OPCML: variants seen among roughly 807,000 people sequenced by gnomAD.
The protein encoded by OPCML is opioid binding protein/cell adhesion molecule like.
In OPCML, 13 loss-of-function variants were observed where a neutral mutation model predicts 37.8. The ratio of observed to expected loss-of-function variants is 0.34; its 90% confidence interval spans 0.22 to 0.55. The LOEUF (loss-of-function observed/expected upper bound fraction) is 0.55, where lower values mean the gene tolerates loss of function less well. OPCML is among the 20% of genes least tolerant of loss of function. The pLI, the probability that OPCML is intolerant of heterozygous loss-of-function variation, is 0.91. For synonymous variants in OPCML, 176 were observed against 168.8 expected, an observed-to-expected ratio of 1.04 and a Z score of -0.33; for missense variants, 341 against 435.6, an observed-to-expected ratio of 0.78 and a Z score of 1.93.
At chr11:133,456,404 A>C (rs937101025) in intron 1 of OPCML, among the ~76,000 whole-genome samples, 4 of 152,120 alleles carry the variant, frequency 2.6e-5, no homozygotes, top group Admixed American at 2.6e-4. Flanking sequence ...AAGCTCCTCC[A>C]TGTCAACCTG....
chr11:132,730,729 A>G (rs1054618366), intron 2 of OPCML, among the ~76,000 whole-genome samples: 68 of 152,322 alleles, frequency 4.5e-4, no homozygotes, highest in Non-Finnish European at 5.9e-4. Flanking sequence ...AAACTAAGAC[A>G]GGCACAAGGT....
intron 1 of OPCML, among the ~76,000 whole-genome samples, chr11:133,440,117 G>T (rs970683156): frequency 6.6e-6 from 1 of 152,048 alleles, no homozygotes; most frequent in African/African-American, 2.4e-5. Context: ...AAACCAGGCC[G>T]GGCATAGTGG....
chr11:132,876,100 C>T (rs899666715), intron 2 of OPCML, among the ~76,000 whole-genome samples: 3 of 152,178 alleles, frequency 2.0e-5, no homozygotes, highest in Admixed American at 2.0e-4. Context: ...GAGGGCATTG[C>T]CCTCAGGATG....
At chr11:133,455,247 A>G (rs1220940549) in intron 1 of OPCML, among the ~76,000 whole-genome samples, 2 of 152,234 alleles carry the variant, frequency 1.3e-5, no homozygotes, top group African/African-American at 2.4e-5. Flanking sequence ...TACCCTGGAC[A>G]TGCAATTAGT....
chr11:133,040,042 T>TG (rs1191964163), intron 1 of OPCML, among the ~76,000 whole-genome samples: 1 of 149,844 alleles, frequency 6.7e-6, no homozygotes, highest in Non-Finnish European at 1.5e-5. Flanking sequence ...AAAAAAAAGA[T>TG]GGGGGATGGC....
At chr11:132,944,204 G>A (rs1365547133) in intron 1 of OPCML, among the ~76,000 whole-genome samples, 17 of 152,180 alleles carry the variant, frequency 1.1e-4, no homozygotes, top group African/African-American at 4.1e-4. Flanking sequence ...GGGGGGAGCG[G>A]GGAGGGAGAG....
At chr11:132,942,785 G>C (rs1945625101) in intron 2 of OPCML, 141 bp downstream of exon 2, 1 of 1,060,268 alleles carries the variant, frequency 9.4e-7, no homozygotes, top group Non-Finnish European at 1.4e-6. Context: ...CGGCACGGCA[G>C]CACGCAAGCG....
intron 1 of OPCML, among the ~76,000 whole-genome samples, chr11:132,947,009 T>A (rs960770098): frequency 6.6e-6 from 1 of 152,170 alleles, no homozygotes; most frequent in Admixed American, 6.5e-5. Context: ...TGAACACAGG[T>A]GGGTGGCAGC....
intron 3 of OPCML, among the ~76,000 whole-genome samples, chr11:132,614,479 C>T (rs541973005): frequency 1.3e-5 from 2 of 152,280 alleles, no homozygotes; most frequent in East Asian, 1.9e-4. Context: ...CGTCCCTCTG[C>T]GGGCCTCTGC....
chr11:132,712,916 T>C (rs970483125), intron 2 of OPCML, among the ~76,000 whole-genome samples: 3 of 152,234 alleles, frequency 2.0e-5, no homozygotes, highest in African/African-American at 7.2e-5. Context: ...GCCTCATCGC[T>C]CTTCATCACT....
intron 3 of OPCML, among the ~76,000 whole-genome samples, chr11:132,629,677 G>A (rs1184507279): frequency 6.6e-6 from 1 of 152,248 alleles, no homozygotes; most frequent in East Asian, 1.9e-4. Flanking sequence ...CCCAGGTGCA[G>A]CGTTGAGTTC....
chr11:132,842,295 T>G (rs1004498871), intron 2 of OPCML, among the ~76,000 whole-genome samples: 5 of 152,210 alleles, frequency 3.3e-5, no homozygotes, highest in Non-Finnish European at 5.9e-5. Flanking sequence ...TTCCTCATTA[T>G]TAATCCTTGC....
At chr11:133,167,527 CTT>C (rs67384165) in intron 1 of OPCML, among the ~76,000 whole-genome samples, 62 of 143,474 alleles carry the variant, frequency 4.3e-4, no homozygotes, top group East Asian at 6.1e-4. Flanking sequence ...CTTTCTTTCT[CTT>C]TTTTTTTTTT....
At chr11:132,903,907 T>C (rs933596362) in intron 2 of OPCML, among the ~76,000 whole-genome samples, 10 of 152,358 alleles carry the variant, frequency 6.6e-5, no homozygotes, top group Non-Finnish European at 1.3e-4. Context: ...TGGCGTTAAA[T>C]TGTAGTTCAA....
At chr11:133,130,988 A>G (rs1321796046) in intron 1 of OPCML, among the ~76,000 whole-genome samples, 1 of 152,040 alleles carries the variant, frequency 6.6e-6, no homozygotes, top group Non-Finnish European at 1.5e-5. Context: ...CCTAATTCCC[A>G]GTGTGATGAT....
At chr11:133,047,347 C>T (rs1299839346) in intron 1 of OPCML, among the ~76,000 whole-genome samples, 4 of 152,230 alleles carry the variant, frequency 2.6e-5, no homozygotes, top group Admixed American at 2.0e-4. Context: ...CATACTATGG[C>T]TTCTCAGCTG....
chr11:133,398,646 A>G (rs181409908), intron 1 of OPCML, among the ~76,000 whole-genome samples: 1 of 152,322 alleles, frequency 6.6e-6, no homozygotes. Flanking sequence ...AACAAGAAAT[A>G]TGCAATTTTC....
intron 2 of OPCML, among the ~76,000 whole-genome samples, chr11:132,927,663 A>G (rs1296156711): frequency 6.6e-6 from 1 of 152,060 alleles, no homozygotes; most frequent in Non-Finnish European, 1.5e-5. Flanking sequence ...AATATAATAT[A>G]TGGACACCTA....
intron 1 of OPCML, chr11:133,025,621 C>T (rs1166192889): frequency 6.6e-6 from 2 of 303,102 alleles, no homozygotes; most frequent in Non-Finnish European, 9.7e-6. Flanking sequence ...TGAGGTCTCA[C>T]TTGTTGGCCA....
Sources: gnomAD v4.1 joint callset for allele counts (sites outside exome capture counted in the v4.1 genomes callset) on GRCh38, gnomAD v4.1.1 for gene constraint, MANE v1.5 for transcripts, NCBI Gene and HGNC (gene_info 2026-07-23, HGNC 2026-07-21) for gene names.